The following RRP1B variants were observed in gnomAD, a reference collection of about 807,000 sequenced individuals.
The protein encoded by RRP1B is ribosomal RNA processing 1B.
Under a neutral mutation model 80.2 loss-of-function variants are expected in RRP1B, and 56 were observed. That is an observed-to-expected ratio of 0.70 (90% CI 0.56 to 0.87). The LOEUF is 0.87. Among genes scored for constraint, RRP1B ranks in the 40% least tolerant of loss-of-function variants. The pLI, the probability that RRP1B is intolerant of heterozygous loss-of-function variation, is 0.00. For synonymous variants in RRP1B, 351 were observed against 357.6 expected (o/e 0.98, Z 0.21); for missense variants, 807 against 939.8 (o/e 0.86, Z 1.85).
chr21:43,667,172 G>A (rs2082981415), intron 1 of RRP1B, among the ~76,000 whole-genome samples: 1 of 152,138 alleles, frequency 6.6e-6, no homozygotes, highest in South Asian at 2.1e-4. Flanking sequence ...CGGTGGGTTT[G>A]GGTGTTGATG....
intron 1 of RRP1B, among the ~76,000 whole-genome samples, chr21:43,662,636 T>C (rs1038499857): frequency 5.3e-5 from 5 of 94,636 alleles, no homozygotes; most frequent in African/African-American, 2.8e-4. Context: ...ATCTTTGTAT[T>C]GCTTTAAGTA....
chr21:43,661,071 G>GA (rs1346499836), intron 1 of RRP1B, among the ~76,000 whole-genome samples: 2 of 152,106 alleles, frequency 1.3e-5, no homozygotes, highest in Non-Finnish European at 2.9e-5. Context: ...ATTTTTAAGA[G>GA]AAATCACCAG....
At position 43,659,612 on chromosome 21, in the gene RRP1B, C is replaced by G; in HGVS notation, c.-53C>G. 2 of 1,385,146 alleles carry G rather than the reference C, an allele frequency of 1.4e-6. No homozygotes were observed. Among genetic ancestry groups the G allele is most frequent in the East Asian group, 3.1e-5 (1 of 32,334 alleles). 85.8% of individuals were successfully genotyped at this position (1,385,146 alleles called of 1,614,324 possible). A position where few individuals can be genotyped will look rare whatever the true frequency, so the allele number is the denominator to read the frequency against. ...TGGCTGGCTGCTCCGCAGCGCTCGG[C>G]TGGCTGCAGCGGCACCGCGGGTTGC... On this transcript the variant is annotated 5_prime_UTR_variant, in exon 1 of 16. Coordinates refer to ENST00000340648, the MANE Select transcript of RRP1B (RefSeq NM_015056.3). This position sits in a 1 kb window ranked among gnomAD's most constrained non-coding sequence, Gnocchi z 4.2.
rs1329617141 is a variant in RRP1B, at chr21:43,684,542, T to C, written c.892-11T>C. On this transcript the variant is annotated splice_polypyrimidine_tract_variant and intron_variant, in intron 9 of 15. Transcript: ENST00000340648. ...GCTGCAGACTTATGTTTAGTTTCTC[T>C]TCCTGCCTAGTTTGACTATAAGGCT... is the stretch of plus-strand genomic sequence containing the variant. 3.1e-6 allele frequency: 5 copies of C among 1,613,072 alleles called. No individual in the cohort carries two copies. The highest frequency in any genetic ancestry group is 2.2e-5 in the East Asian group (1 of 44,872).
At chr21:43,683,444 C>A (rs2083051241) in intron 9 of RRP1B, 71 bp downstream of exon 9, 2 of 1,210,826 alleles carry the variant, frequency 1.7e-6, no homozygotes, top group South Asian at 1.3e-5. Context: ...GAATTAGGGT[C>A]ACAGCTAGTT....
rs745835849 is a variant in RRP1B, at chr21:43,674,685, G to A, written c.407G>A (p.Gly136Asp). The A allele has an allele frequency of 1.2e-6, 2 of 1,603,938 alleles. No homozygotes were observed. The highest frequency in any genetic ancestry group is 1.7e-6 in the Non-Finnish European group (2 of 1,177,326). ...TCCTTTGAAGTCTTGAAGCGAAATG[G>A]CTGGGAAGAAAGGTCAGTAAACCAT... ...RQSFEVLKRN[G>D]WEESRIKVFL... The change falls in exon 5 of 16, where the codon GGC (glycine) becomes GAC (aspartate). Residue 136 changes from glycine to aspartate, a missense_variant. Gly to Asp is a moderately conservative substitution (Grantham distance 94, BLOSUM62 -1). Coordinates refer to ENST00000340648, the MANE Select transcript of RRP1B (RefSeq NM_015056.3).
chr21:43,669,491 G>A (rs1053490914), intron 1 of RRP1B, among the ~76,000 whole-genome samples: 1 of 152,120 alleles, frequency 6.6e-6, no homozygotes, highest in Non-Finnish European at 1.5e-5. Context: ...CAGGTCCCCC[G>A]CATCTCTTGT....
chr21:43,668,723 ATATTTGTTT>A (rs2082988235), intron 1 of RRP1B, among the ~76,000 whole-genome samples: 1 of 152,120 alleles, frequency 6.6e-6, no homozygotes, highest in Non-Finnish European at 1.5e-5. Flanking sequence ...TTGATTCTAA[ATATTTGTTT>A]GCATTCATCT....
rs1208453576 is a variant in RRP1B at position 43,693,830 on chromosome 21, C to G, written c.*447C>G. ...GTTGGTTTCTGTTAGTCTTAACAGT[C>G]TGTTTTCTTTTAAAAGCATGTAGGG... On this transcript the variant is annotated 3_prime_UTR_variant, in exon 16 of 16. Transcript: ENST00000340648. The surrounding 1 kb of genome is among the most constrained non-coding windows in gnomAD (Gnocchi z 4.1). 6.4e-6 allele frequency: 1 copy of G among 155,300 alleles called. No individual in the cohort carries two copies. Among genetic ancestry groups the G allele is most frequent in the African/African-American group, 2.4e-5 (1 of 41,522 alleles). The allele number at this position is 155,300 out of a possible 1,614,324, so 9.6% of individuals were successfully genotyped here. A position where few individuals can be genotyped will look rare whatever the true frequency, so the allele number is the denominator to read the frequency against.
At position 43,687,953 on chromosome 21, in the gene RRP1B, C is replaced by G. The variant is rs755634753; in HGVS notation, c.1579C>G (p.Leu527Val). 2.5e-6 allele frequency: 4 copies of G among 1,613,252 alleles called. No homozygotes were observed. The highest frequency in any genetic ancestry group is 3.4e-6 in the Non-Finnish European group (4 of 1,180,050). The change falls in exon 13 of 16, where the codon CTT (leucine) becomes GTT (valine). Residue 527 changes from leucine (L) to valine (V), a missense_variant. Coordinates refer to ENST00000340648, the MANE Select transcript of RRP1B (RefSeq NM_015056.3). The part of the protein sequence containing the change: ...GAQLLKRKRK[L>V]GVVPVNGSGL... ...CCAACTCCTAAAAAGGAAGCGGAAA[C>G]TTGGAGTTGTGCCCGTCAATGGCAG...
chr21:43,668,752 C>T (rs1049625343), intron 1 of RRP1B, among the ~76,000 whole-genome samples: 3 of 152,130 alleles, frequency 2.0e-5, no homozygotes, highest in Admixed American at 2.0e-4. Context: ...TAGTTTATAG[C>T]ACTTTGTTGC....
At chr21:43,666,394 G>A (rs1381808807) in intron 1 of RRP1B, among the ~76,000 whole-genome samples, 2 of 152,310 alleles carry the variant, frequency 1.3e-5, no homozygotes, top group East Asian at 3.9e-4. Context: ...TTGAGCTCCT[G>A]CACAAAGTTG....
Position 43,685,773 on chromosome 21 carries a change from C to A in RRP1B, c.993C>A (p.Phe331Leu). ...RKRLSKLIKKFQDLSEGSSIS... is the reference protein window; with the variant it reads ...RKRLSKLIKKLQDLSEGSSIS... The stretch of plus-strand genomic sequence containing the variant: ...TTTTTTATTTTTTTATTTTTAGATT[C>A]CAAGACCTTTCTGAAGGTGAGGCGC... Residue 331 changes from phenylalanine (F) to leucine (L), a missense_variant, in exon 11 of 16, where the codon TTC becomes TTA. Coordinates refer to ENST00000340648, the MANE Select transcript of RRP1B (RefSeq NM_015056.3). 1 of 1,559,508 alleles carries A rather than the reference C, an allele frequency of 6.4e-7. No individual in the cohort carries two copies. Among genetic ancestry groups the A allele is most frequent in the Non-Finnish European group, 8.7e-7 (1 of 1,153,428 alleles).
At position 43,660,892 on chromosome 21, in the gene RRP1B, A is replaced by G. The variant is rs1003561094; in HGVS notation, c.130+1098A>G. Among the ~76,000 whole-genome samples the G allele has an allele frequency of 7.2e-5, 11 of 152,348 alleles. No individual in the cohort carries two copies. The East Asian group carries it at 2.1e-3, about 29-fold the overall frequency. On this transcript the variant is annotated intron_variant, in intron 1 of 15. Transcript: ENST00000340648. ...TGGATGATTTCATTTACCTGATCCA[A>G]AAATACTTTCTATAAACTCTTGAGT...
At position 43,672,373 on chromosome 21, in the gene RRP1B, C is replaced by T. The variant is rs1409443739; in HGVS notation, c.271+8C>T. 3 of 1,612,712 alleles carry T rather than the reference C, an allele frequency of 1.9e-6. No individual in the cohort carries two copies. Among genetic ancestry groups the T allele is most frequent in the Non-Finnish European group, 2.5e-6 (3 of 1,178,816 alleles). ...TTAACAACTCAGCGGCTCGTAAGTC[C>T]TGTTGTTTCTTCTCCTTCCTTCCAA... is the stretch of plus-strand genomic sequence containing the variant. On this transcript the variant is annotated splice_region_variant and intron_variant, in intron 3 of 15. Coordinates refer to ENST00000340648, the MANE Select transcript of RRP1B (RefSeq NM_015056.3).
At position 43,659,644 on chromosome 21, in the gene RRP1B, G is replaced by C. The variant is rs746118067; in HGVS notation, c.-21G>C. On this transcript the variant is annotated 5_prime_UTR_variant, in exon 1 of 16. Transcript: ENST00000340648. This position sits in a 1 kb window ranked among gnomAD's most constrained non-coding sequence, Gnocchi z 4.2. ...CAGCGGCACCGCGGGTTGCGCGGCC[G>C]GGGATGCTCCAGCGGGCGCGATGGC... 8 of 1,481,434 alleles carry C rather than the reference G, an allele frequency of 5.4e-6. 1 individual carries two copies. In the South Asian group the frequency reaches 6.5e-5, roughly 12 times the overall value. 91.8% of individuals were successfully genotyped at this position (1,481,434 alleles called of 1,614,324 possible). A position where few individuals can be genotyped will look rare whatever the true frequency, so the allele number is the denominator to read the frequency against.
chr21:43,671,981 G>T (rs1447777882), intron 2 of RRP1B, among the ~76,000 whole-genome samples: 3 of 152,178 alleles, frequency 2.0e-5, no homozygotes, highest in Admixed American at 2.0e-4. Flanking sequence ...GCCACTGCAC[G>T]TGGCCAGATA....
chr21:43,675,404 A>G (rs1376020659), intron 6 of RRP1B, among the ~76,000 whole-genome samples: 1 of 152,264 alleles, frequency 6.6e-6, no homozygotes, highest in Admixed American at 6.5e-5. Flanking sequence ...ACTCCACTAA[A>G]GAACTCACTA....
At chr21:43,674,964 T>C (rs961493529) in intron 5 of RRP1B, 70 bp from the exon 6 acceptor site, 1 of 1,584,360 alleles carries the variant, frequency 6.3e-7, no homozygotes, top group African/African-American at 1.4e-5. Context: ...CGGAGTATTT[T>C]TGTTTCTCTT....
Sources: gnomAD v4.1 joint callset for allele counts (sites outside exome capture counted in the v4.1 genomes callset) on GRCh38, gnomAD v4.1.1 for gene constraint, Gnocchi (gnomAD v3.1) non-coding constraint, MANE v1.5 for transcripts, NCBI Gene and HGNC (gene_info 2026-07-23, HGNC 2026-07-21) for gene names.